ADGRB3: variants seen among roughly 807,000 people sequenced by gnomAD.
ADGRB3 encodes brain-specific angiogenesis inhibitor 3.
In ADGRB3, 37 loss-of-function variants were observed where a neutral mutation model predicts 193.4. The ratio of observed to expected loss-of-function variants is 0.19; its 90% CI spans 0.15 to 0.25. ADGRB3 has a LOEUF of 0.25. Among genes scored for constraint, ADGRB3 ranks in the 10% least tolerant of loss-of-function variants. ADGRB3 has a pLI of 1.00. For missense variants in ADGRB3, 1,637 were observed against 1,852.9 expected, an observed-to-expected ratio of 0.88 and a Z score of 2.14; for synonymous variants, 690 against 644.2, an observed-to-expected ratio of 1.07 and a Z score of -1.08.
At chr6:68,824,727 C>A (rs1335117243) in intron 3 of ADGRB3, among the ~76,000 whole-genome samples, 3 of 150,354 alleles carry the variant, frequency 2.0e-5, no homozygotes, top group Non-Finnish European at 3.0e-5. Flanking sequence ...GGGAATTTTT[C>A]CCCCTAATCT....
chr6:68,733,920 C>T lies in ADGRB3; in HGVS notation c.757+94488C>T, dbSNP rs147937839. Among the ~76,000 whole-genome samples, 123 of 151,346 alleles carry T rather than the reference C, an allele frequency of 8.1e-4. 1 individual carries two copies. The highest frequency in any genetic ancestry group is 2.8e-3 in the African/African-American group (113 of 40,954). On this transcript the variant is annotated intron_variant, in intron 3 of 31. Coordinates refer to ENST00000370598, the MANE Select transcript of ADGRB3 (RefSeq NM_001704.3). ...GAGGGGATGAATACCCCATTCGCCA[C>T]GATGTGCATTATTTCACATTGCATG...
intron 11 of ADGRB3, among the ~76,000 whole-genome samples, chr6:69,011,232 A>G (rs1582392386): frequency 6.6e-6 from 1 of 151,792 alleles, no homozygotes. Flanking sequence ...ATGGTGCTAA[A>G]TCTTTTTAGG....
At chr6:69,339,648 T>C (rs776028352) in intron 26 of ADGRB3, 144 bp downstream of exon 26, 12 of 1,047,034 alleles carry the variant, frequency 1.1e-5, no homozygotes, top group Admixed American at 2.3e-5. Context: ...GCTGAAGGAA[T>C]GCTTTAAGAC....
intron 3 of ADGRB3, among the ~76,000 whole-genome samples, chr6:68,701,244 A>G (rs939703893): frequency 2.0e-5 from 3 of 152,210 alleles, no homozygotes; most frequent in African/African-American, 7.2e-5. Flanking sequence ...ACAATAGTAA[A>G]GCCAATAAAT....
intron 3 of ADGRB3, among the ~76,000 whole-genome samples, chr6:68,780,258 A>G (rs1766828017): frequency 6.6e-6 from 1 of 152,024 alleles, no homozygotes; most frequent in Non-Finnish European, 1.5e-5. Context: ...TATACATGTA[A>G]CCCAAGAGGA....
At chr6:69,208,392 C>G (rs1765583420) in intron 17 of ADGRB3, among the ~76,000 whole-genome samples, 1 of 152,226 alleles carries the variant, frequency 6.6e-6, no homozygotes, top group Admixed American at 6.5e-5. Context: ...TTCCAAGTCC[C>G]TGACCATTCA....
chr6:68,938,120 A>G (rs995642670), intron 5 of ADGRB3, among the ~76,000 whole-genome samples: 1 of 152,164 alleles, frequency 6.6e-6, no homozygotes, highest in African/African-American at 2.4e-5. Flanking sequence ...GAAAGGCAGA[A>G]TTAACTGGCA....
intron 10 of ADGRB3, among the ~76,000 whole-genome samples, chr6:68,987,497 G>T: frequency 6.6e-6 from 1 of 152,082 alleles, no homozygotes; most frequent in Non-Finnish European, 1.5e-5. Flanking sequence ...GGTTGATAAT[G>T]ATTTTTAAAT....
At chr6:68,721,197 C>T (rs1357011984) in intron 3 of ADGRB3, among the ~76,000 whole-genome samples, 8 of 151,694 alleles carry the variant, frequency 5.3e-5, no homozygotes, top group Non-Finnish European at 1.2e-4. Context: ...TGTGGCACCA[C>T]TCACAATAGC....
chr6:68,807,461 C>T (rs929704043), intron 3 of ADGRB3, among the ~76,000 whole-genome samples: 5 of 151,728 alleles, frequency 3.3e-5, no homozygotes, highest in East Asian at 1.9e-4. Flanking sequence ...AGGATGGTCT[C>T]GATCTCCTGA....
intron 11 of ADGRB3, among the ~76,000 whole-genome samples, chr6:69,000,974 T>C (rs1007984528): frequency 6.6e-6 from 1 of 152,222 alleles, no homozygotes; most frequent in African/African-American, 2.4e-5. Context: ...CCATTATTGC[T>C]AGTATTTTAA....
chr6:68,956,629 G>A lies in ADGRB3; in HGVS notation c.1361-16G>A, dbSNP rs200252203. 29 of 1,613,500 alleles carry A rather than the reference G, an allele frequency of 1.8e-5. No individual in the cohort carries two copies. Among genetic ancestry groups the A allele is most frequent in the Non-Finnish European group, 5.1e-6 (6 of 1,179,640 alleles). Reference sequence around the variant, plus strand: ...GTGGTAGATGACTGACATTGACCATGAAACATTTCTTTCAGCCAATGGTCA... The same window carrying A: ...GTGGTAGATGACTGACATTGACCATAAAACATTTCTTTCAGCCAATGGTCA... On this transcript the variant is annotated splice_polypyrimidine_tract_variant and intron_variant, in intron 7 of 31. Transcript: ENST00000370598.
At chr6:68,851,989 CAAAA>C (rs937117310) in intron 3 of ADGRB3, among the ~76,000 whole-genome samples, 1 of 151,548 alleles carries the variant, frequency 6.6e-6, no homozygotes, top group African/African-American at 2.4e-5. Flanking sequence ...GAGAAAGACA[CAAAA>C]AAAGTTTTAA....
chr6:69,084,923 G>T (rs2150315571), intron 17 of ADGRB3, among the ~76,000 whole-genome samples: 1 of 152,104 alleles, frequency 6.6e-6, no homozygotes, highest in Non-Finnish European at 1.5e-5. Flanking sequence ...TTTGGAAGTT[G>T]TTTGGTATGC....
intron 11 of ADGRB3, among the ~76,000 whole-genome samples, chr6:69,003,962 A>T (rs1430112559): frequency 1.3e-5 from 2 of 152,214 alleles, no homozygotes; most frequent in African/African-American, 4.8e-5. Flanking sequence ...CAGTAAATAA[A>T]TTAGTTTGGT....
intron 6 of ADGRB3, among the ~76,000 whole-genome samples, chr6:68,952,498 T>G (rs1767955947): frequency 1.3e-5 from 2 of 152,264 alleles, no homozygotes; most frequent in South Asian, 4.2e-4. Flanking sequence ...AAAGAAATAT[T>G]AGGCCTTTCC....
At chr6:68,860,163 A>G (rs1402460388) in intron 3 of ADGRB3, among the ~76,000 whole-genome samples, 1 of 152,162 alleles carries the variant, frequency 6.6e-6, no homozygotes, top group Admixed American at 6.6e-5. Flanking sequence ...GCTGTTCTAT[A>G]TATGCATAAA....
At chr6:69,288,918 G>C (rs1156545002) in intron 20 of ADGRB3, among the ~76,000 whole-genome samples, 1 of 152,062 alleles carries the variant, frequency 6.6e-6, no homozygotes, top group African/African-American at 2.4e-5. Flanking sequence ...CTTCTCTTTT[G>C]TACTCCATAC....
rs1582102375 is a variant in ADGRB3, at chr6:68,657,206, G to A, written c.757+17774G>A. On this transcript the variant is annotated intron_variant, in intron 3 of 31. Coordinates refer to ENST00000370598, the MANE Select transcript of ADGRB3 (RefSeq NM_001704.3). ...TCAAGAGTTAGCATTAAAGGAAAAT[G>A]AGTACAAATGAAGATTTATCAAAAA... Among the ~76,000 whole-genome samples, 3 of 151,450 alleles carry A rather than the reference G, an allele frequency of 2.0e-5. 1 individual carries two copies. In the South Asian group the frequency reaches 6.2e-4, roughly 31 times the overall value.
Sources: allele counts gnomAD v4.1 joint callset (sites outside exome capture counted in the v4.1 genomes callset), GRCh38; gene constraint gnomAD v4.1.1; transcripts MANE v1.5; gene names NCBI Gene and HGNC (gene_info 2026-07-23, HGNC 2026-07-21).